ARHGEF18: variants seen among roughly 807,000 people sequenced by gnomAD.
ARHGEF18 encodes the protein rho guanine nucleotide exchange factor 18.
In ARHGEF18, 93 loss-of-function variants were observed where a neutral mutation model predicts 155.7. The observed-to-expected ratio is 0.60, with a 90% confidence interval of 0.50 to 0.71. ARHGEF18 has a LOEUF of 0.71. Ranked by LOEUF, ARHGEF18 falls within the 30% of genes least tolerant of loss-of-function variation. ARHGEF18 has a pLI of 0.00. For missense variants in ARHGEF18, 1,593 were observed against 1,816.1 expected, an observed-to-expected ratio of 0.88 and a Z score of 2.23; for synonymous variants, 742 against 753.1, an observed-to-expected ratio of 0.99 and a Z score of 0.24.
chr19:7,468,086 C>G (rs1267480937), intron 26 of ARHGEF18, among the ~76,000 whole-genome samples: 2 of 151,870 alleles, frequency 1.3e-5, no homozygotes, highest in African/African-American at 4.8e-5. Context: ...CTGTGGTCCC[C>G]GCTACTTGGA....
At chr19:7,433,288 G>T (rs2145732677) in intron 10 of ARHGEF18, among the ~76,000 whole-genome samples, 1 of 151,804 alleles carries the variant, frequency 6.6e-6, no homozygotes, top group South Asian at 2.1e-4. Flanking sequence ...CCAACATAGT[G>T]AAACCCCGTC....
In ARHGEF18 at chr19:7,462,322, G is replaced by A; in HGVS notation, c.2623G>A (p.Ala875Thr). 1 of 1,595,184 alleles carries A rather than the reference G, an allele frequency of 6.3e-7. No individual in the cohort carries two copies. Residue 875 changes from alanine (A) to threonine (T), a missense_variant, in exon 21 of 29, where the codon GCC becomes ACC. Ala to Thr is a moderately conservative substitution (Grantham distance 58). Transcript: ENST00000668164. This position sits in a 1 kb window ranked among gnomAD's most constrained non-coding sequence, Gnocchi z 4.4. ...GCAGGGGGAGCTAATTCTCAAGTCG[G>A]CCATGAGCGAGAGTAAGTTGGCTGC... ...TLQGELILKS[A>T]MSEIEGIQSL...
chr19:7,451,324 C>T lies in ARHGEF18; in HGVS notation c.1855+58C>T, dbSNP rs74663465. 0.011 allele frequency: 16,309 copies of T among 1,427,194 alleles called. 699 individuals carry two copies. In the East Asian group the frequency reaches 0.14, roughly 12 times the overall value. 88.4% of individuals were successfully genotyped at this position (1,427,194 alleles called of 1,614,324 possible). A position where few individuals can be genotyped will look rare whatever the true frequency, so the allele number is the denominator to read the frequency against. On this transcript the variant is annotated intron_variant, in intron 16 of 28. Transcript: ENST00000668164. ...TGCTGCTGCAGCACAGGGCTCTCTCCGTGTACCCACTCCCTATTTGAGCAG... is the reference window on the plus strand; with the variant it reads ...TGCTGCTGCAGCACAGGGCTCTCTCTGTGTACCCACTCCCTATTTGAGCAG...
At chr19:7,392,872 G>T (rs1428306626) in intron 10 of ARHGEF18, among the ~76,000 whole-genome samples, 2 of 151,386 alleles carry the variant, frequency 1.3e-5, no homozygotes, top group African/African-American at 4.8e-5. Flanking sequence ...TAGGCAACAT[G>T]GCGAAACTCT....
chr19:7,379,469 G>A (rs1970625672), intron 7 of ARHGEF18, among the ~76,000 whole-genome samples: 1 of 152,218 alleles, frequency 6.6e-6, no homozygotes, highest in African/African-American at 2.4e-5. Flanking sequence ...TGAGGCAGGA[G>A]AATTGATTGA....
At chr19:7,476,483 A>G (rs1399202143), downstream of ARHGEF18, among the ~76,000 whole-genome samples, 2 of 152,166 alleles carry the variant, frequency 1.3e-5, no homozygotes, top group Non-Finnish European at 2.9e-5. Context: ...CCCTCATCCC[A>G]TCCCACCACA....
At chr19:7,351,305 T>TTTTGTTTG (rs143178894) in intron 1 of ARHGEF18, among the ~76,000 whole-genome samples, 12,468 of 150,362 alleles carry the variant, frequency 0.083, 607 homozygotes, top group African/African-American at 0.12. Context: ...AGTGGACTTC[T>TTTTGTTTG]TTTGTTTGTT....
At chr19:7,421,215 CTT>C (rs1206190736) in intron 10 of ARHGEF18, among the ~76,000 whole-genome samples, 13 of 152,156 alleles carry the variant, frequency 8.5e-5, no homozygotes, top group Admixed American at 7.9e-4. Context: ...AGGATTATGT[CTT>C]TGACTGCAGT....
intron 1 of ARHGEF18, among the ~76,000 whole-genome samples, chr19:7,362,238 A>G (rs1245754939): frequency 6.7e-6 from 1 of 148,206 alleles, no homozygotes; most frequent in Non-Finnish European, 1.5e-5. Context: ...GAAGAAGAAG[A>G]CAAGAAGAGG....
At chr19:7,393,900 C>T (rs960858278) in intron 10 of ARHGEF18, among the ~76,000 whole-genome samples, 1 of 150,370 alleles carries the variant, frequency 6.7e-6, no homozygotes. Context: ...ATGGCACCTG[C>T]CTGGGTGCCT....
At chr19:7,477,675 C>T in the ARHGEF18 span, among the ~76,000 whole-genome samples, 3 of 152,196 alleles carry the variant, frequency 2.0e-5, no homozygotes, top group Non-Finnish European at 4.4e-5. Flanking sequence ...CCTCACTCCT[C>T]GTCCTGAACA....
At chr19:7,445,082 C>T (rs1374557073) in intron 14 of ARHGEF18, among the ~76,000 whole-genome samples, 1 of 152,198 alleles carries the variant, frequency 6.6e-6, no homozygotes, top group South Asian at 2.1e-4. Context: ...ATGTTACATT[C>T]TTCTGTGCTC....
At chr19:7,381,691 T>TAATAAATAAATAAATAAATA (rs57480401) in intron 8 of ARHGEF18, among the ~76,000 whole-genome samples, 2 of 146,092 alleles carry the variant, frequency 1.4e-5, no homozygotes, top group African/African-American at 5.2e-5. Context: ...AATAAATAAA[T>TAATAAATAAATAAATAAATA]AATAAATAAA....
intron 10 of ARHGEF18, among the ~76,000 whole-genome samples, chr19:7,408,560 C>G (rs1972478603): frequency 6.6e-6 from 1 of 152,260 alleles, no homozygotes; most frequent in Non-Finnish European, 1.5e-5. Flanking sequence ...AGGAGGCCCT[C>G]ACCTGTCTCA....
intron 23 of ARHGEF18, among the ~76,000 whole-genome samples, chr19:7,465,771 T>C (rs1976571718): frequency 6.6e-6 from 1 of 152,066 alleles, no homozygotes; most frequent in Admixed American, 6.6e-5. Context: ...AGACCACATG[T>C]CGACAAAATA....
rs2287909 is a variant in ARHGEF18, at chr19:7,441,782, T to G, written c.1219+17T>G. 557,282 of 1,613,192 alleles carry G rather than the reference T, an allele frequency of 0.35. 98,060 individuals are homozygous for G. The highest frequency in any genetic ancestry group is 0.46 in the Middle Eastern group (2,786 of 6,062). ...TTGTAGAAGGTATGGTCATCTCCGC[T>G]CTCTCGCGGCTGCCACACAGTTCCT... On this transcript the variant is annotated intron_variant, in intron 12 of 28. Coordinates refer to ENST00000668164, the MANE Select transcript of ARHGEF18 (RefSeq NM_001367823.1).
chr19:7,367,040 G>A (rs1049099470), intron 2 of ARHGEF18, among the ~76,000 whole-genome samples: 3 of 152,078 alleles, frequency 2.0e-5, no homozygotes, highest in African/African-American at 7.2e-5. Context: ...GGGATTACAG[G>A]TGTGAGCCAC....
At chr19:7,445,263 T>G (rs934819401) in intron 14 of ARHGEF18, among the ~76,000 whole-genome samples, 1 of 151,958 alleles carries the variant, frequency 6.6e-6, no homozygotes, top group Admixed American at 6.6e-5. Context: ...CTGGGCAACA[T>G]AGCAAGACCC....
chr19:7,466,025 A>G (rs944423378), intron 23 of ARHGEF18, among the ~76,000 whole-genome samples: 8 of 152,030 alleles, frequency 5.3e-5, no homozygotes, highest in Non-Finnish European at 1.2e-4. Flanking sequence ...TGGAGGTTGC[A>G]GTGAGCCGAG....
Sources: allele counts gnomAD v4.1 joint callset (sites outside exome capture counted in the v4.1 genomes callset), GRCh38; gene constraint gnomAD v4.1.1; non-coding constraint Gnocchi (gnomAD v3.1); transcripts MANE v1.5; gene names NCBI Gene and HGNC (gene_info 2026-07-23, HGNC 2026-07-21).